Variants in DPH6 observed in about 807,000 individuals in gnomAD.
DPH6 encodes diphthamine biosynthesis 6, also known as diphthine--ammonia ligase.
A neutral mutation model predicts 38.2 loss-of-function variants in DPH6; 33 were observed. The ratio of observed to expected loss-of-function variants is 0.86; its 90% CI spans 0.65 to 1.15. DPH6 has a LOEUF of 1.15. Among genes scored for constraint, DPH6 ranks in the 50% most tolerant of loss-of-function variants. The pLI is 0.00. For synonymous variants in DPH6, 108 were observed against 103.0 expected (o/e 1.05, Z -0.30); for missense variants, 325 against 320.0 (o/e 1.02, Z -0.12).
chr15:35,518,191 A>T (rs1043861777), intron 3 of DPH6, among the ~76,000 whole-genome samples: 13 of 152,106 alleles, frequency 8.5e-5, no homozygotes, highest in African/African-American at 3.1e-4. Flanking sequence ...AAGCCCTTAC[A>T]CAAAAGGAGT....
intron 5 of DPH6, 110 bp downstream of exon 5, chr15:35,450,575 C>T (rs1210430751): frequency 2.0e-5 from 18 of 909,472 alleles, no homozygotes; most frequent in Non-Finnish European, 2.9e-5. Flanking sequence ...GCTGTGACTC[C>T]ACATTTTTAT....
chr15:35,410,786 G>A lies in DPH6; in HGVS notation c.567+49C>T, dbSNP rs780964158. 23 of 1,469,374 alleles carry A rather than the reference G, an allele frequency of 1.6e-5. 1 individual carries two copies. The South Asian group carries it at 3.2e-4, about 20-fold the overall frequency. The allele number at this position is 1,469,374 out of a possible 1,614,324, so 91.0% of individuals were successfully genotyped here. The stretch of plus-strand genomic sequence containing the variant: ...AATCATTGTATCACAGCATTATTTT[G>A]TTTTCTCCTTTAGATGGCTACATTT... On this transcript the variant is annotated intron_variant, in intron 6 of 8. Transcript: ENST00000256538.
chr15:35,178,879 G>T, the DPH6 span, among the ~76,000 whole-genome samples: 1 of 151,996 alleles, frequency 6.6e-6, no homozygotes, highest in Non-Finnish European at 1.5e-5. Context: ...CAACCAGCTA[G>T]TATAGTACCT....
chr15:35,387,450 G>A (rs1207118546), intron 6 of DPH6, among the ~76,000 whole-genome samples: 8 of 152,214 alleles, frequency 5.3e-5, no homozygotes, highest in African/African-American at 9.6e-5. Context: ...CCATTTTCAC[G>A]ATATTGATTC....
chr15:35,393,852 A>G (rs866068134), intron 6 of DPH6, among the ~76,000 whole-genome samples: 4 of 152,200 alleles, frequency 2.6e-5, no homozygotes, highest in African/African-American at 7.2e-5. Context: ...AAAGAAATTT[A>G]GGAAAATTCT....
intron 3 of DPH6, among the ~76,000 whole-genome samples, chr15:35,225,042 C>T (rs1595435141): frequency 6.6e-6 from 1 of 152,222 alleles, no homozygotes; most frequent in African/African-American, 2.4e-5. Flanking sequence ...TCCAGGATAA[C>T]ACATTGCATT....
At chr15:35,384,465 T>C (rs902568803) in intron 6 of DPH6, among the ~76,000 whole-genome samples, 1 of 152,126 alleles carries the variant, frequency 6.6e-6, no homozygotes, top group African/African-American at 2.4e-5. Context: ...GGCCAGGAAC[T>C]AGATGCTAAT....
At chr15:35,520,219 A>AC in intron 3 of DPH6, 1 of 597,612 alleles carries the variant, frequency 1.7e-6, no homozygotes, top group Non-Finnish European at 1.9e-6. Context: ...TAAACATGCT[A>AC]CAAAAAAAAA....
In DPH6 at chr15:35,450,801, C is replaced by T. The variant is rs1407801319; in HGVS notation, c.389G>A (p.Cys130Tyr). ...TAAAGGCTGGAGATTAAGCCTTTTA[C>T]ACCTACAAAAGAAAAAGAAAAAGAA... ...DYQRIRVENV[C>Y]KRLNLQPLAY... Residue 130 changes from cysteine to tyrosine, a missense_variant and splice_region_variant, in exon 5 of 9, where the codon TGT (cysteine) becomes TAT (tyrosine). By Grantham distance (194) the Cys-to-Tyr change is radical. Coordinates refer to ENST00000256538, the MANE Select transcript of DPH6 (RefSeq NM_080650.4). 1.3e-6 allele frequency: 2 copies of T among 1,595,788 alleles called. No individual in the cohort carries two copies. Among genetic ancestry groups the T allele is most frequent in the Non-Finnish European group, 1.7e-6 (2 of 1,172,768 alleles).
chr15:35,482,107 G>T (rs970498916), intron 3 of DPH6, among the ~76,000 whole-genome samples: 2 of 152,162 alleles, frequency 1.3e-5, no homozygotes, highest in Admixed American at 6.6e-5. Context: ...GCCAGAGAGG[G>T]TTGACTAGAT....
intron 3 of DPH6, among the ~76,000 whole-genome samples, chr15:35,365,368 T>C (rs1566881834): frequency 6.6e-6 from 1 of 152,140 alleles, no homozygotes. Flanking sequence ...ACCCAATGTC[T>C]AAACAGTGCC....
chr15:35,362,804 T>C (rs1189049016), intron 3 of DPH6, among the ~76,000 whole-genome samples: 3 of 152,142 alleles, frequency 2.0e-5, no homozygotes, highest in Non-Finnish European at 4.4e-5. Flanking sequence ...CCCAATGTGG[T>C]TGTTTTTGAC....
At chr15:35,268,471 G>A (rs2051798658) in intron 3 of DPH6, among the ~76,000 whole-genome samples, 1 of 151,494 alleles carries the variant, frequency 6.6e-6, no homozygotes, top group Non-Finnish European at 1.5e-5. Context: ...ATATTCAAAA[G>A]TGACTTGAGG....
At chr15:35,299,732 A>G (rs192830228) in intron 3 of DPH6, among the ~76,000 whole-genome samples, 7 of 152,302 alleles carry the variant, frequency 4.6e-5, no homozygotes, top group Non-Finnish European at 8.8e-5. Flanking sequence ...CTAATCTAAA[A>G]ATGGATCTCG....
intron 3 of DPH6, chr15:35,521,894 C>T: frequency 7.2e-7 from 1 of 1,393,510 alleles, no homozygotes; most frequent in Non-Finnish European, 9.3e-7. Flanking sequence ...CATTACATTC[C>T]TTGGGATGAA....
chr15:35,283,305 C>T (rs188355458), intron 3 of DPH6, among the ~76,000 whole-genome samples: 1 of 151,114 alleles, frequency 6.6e-6, no homozygotes, highest in African/African-American at 2.4e-5. Context: ...TCCTCCTCCT[C>T]TTATTCTTCT....
the DPH6 span, among the ~76,000 whole-genome samples, chr15:35,176,048 G>A: frequency 1.3e-5 from 2 of 152,192 alleles, no homozygotes. Flanking sequence ...TTTCAACTGT[G>A]AAGAGATAAT....
At chr15:35,457,310 C>CT (rs1276343179) in intron 3 of DPH6, among the ~76,000 whole-genome samples, 1 of 151,856 alleles carries the variant, frequency 6.6e-6, no homozygotes, top group African/African-American at 2.4e-5. Flanking sequence ...TAAGTAAACT[C>CT]TGACTATTCT....
intron 3 of DPH6, among the ~76,000 whole-genome samples, chr15:35,254,652 A>G (rs2051695467): frequency 6.6e-6 from 1 of 152,164 alleles, no homozygotes; most frequent in Non-Finnish European, 1.5e-5. Flanking sequence ...ATGAGGTAAA[A>G]AAGGTAGTGC....
Sources: allele counts gnomAD v4.1 joint callset (sites outside exome capture counted in the v4.1 genomes callset), GRCh38; gene constraint gnomAD v4.1.1; transcripts MANE v1.5; gene names NCBI Gene and HGNC (gene_info 2026-07-23, HGNC 2026-07-21).